ALG12: variants seen among roughly 807,000 people sequenced by gnomAD.
ALG12 encodes the protein ALG12 alpha-1,6-mannosyltransferase.
ALG12 carries 36 observed loss-of-function variants against 46.0 expected under a neutral mutation model. The ratio of observed to expected loss-of-function variants is 0.78; its 90% confidence interval spans 0.60 to 1.03. The LOEUF is 1.03. ALG12 is among the 50% of genes least tolerant of loss of function. The probability of loss-of-function intolerance (pLI) is 0.00; values close to 1 mark genes in which losing one functional copy is unlikely to be tolerated. For synonymous variants in ALG12, 326 were observed against 291.6 expected (o/e 1.12, Z -1.20); for missense variants, 599 against 633.5 (o/e 0.95, Z 0.58).
In ALG12 at chr22:49,909,656, T is replaced by G. The variant is rs1421901623; in HGVS notation, c.664+238A>C. 2.0e-5 allele frequency among the ~76,000 whole-genome samples: 3 copies of G among 152,140 alleles called. No individual in the cohort carries two copies. In the East Asian group the frequency reaches 5.8e-4, roughly 29 times the overall value. On this transcript the variant is annotated intron_variant, in intron 5 of 9. Coordinates refer to ENST00000330817, the MANE Select transcript of ALG12 (RefSeq NM_024105.4). Reference sequence around the variant, plus strand: ...GCAGGGACAAGCCGCCCTCCACTCTTGTGGCCTCCCCCAGCCCAAGGACAA... The same window carrying G: ...GCAGGGACAAGCCGCCCTCCACTCTGGTGGCCTCCCCCAGCCCAAGGACAA...
rs370008570 is a variant in ALG12, at chr22:49,914,884, C to A, written c.-78-1041G>T. Reference sequence around the variant, plus strand: ...CCGCAGCTACAGGTGTGGGTCACCACACTCAGCTAAGTTTTCTTATTTTTT... The same window carrying A: ...CCGCAGCTACAGGTGTGGGTCACCAAACTCAGCTAAGTTTTCTTATTTTTT... On this transcript the variant is annotated intron_variant, in intron 1 of 9. Coordinates refer to ENST00000330817, the MANE Select transcript of ALG12 (RefSeq NM_024105.4). 1.6e-4 allele frequency among the ~76,000 whole-genome samples: 24 copies of A among 152,346 alleles called. No homozygotes were observed. The East Asian group carries it at 4.2e-3, about 27-fold the overall frequency.
intron 4 of ALG12, 125 bp downstream of exon 4, chr22:49,910,309 C>T (rs1210531145): frequency 2.9e-6 from 4 of 1,376,186 alleles, no homozygotes; most frequent in East Asian, 2.5e-5. Flanking sequence ...GGTCACAGAC[C>T]ATCCTGAGGA....
the ALG12 span, among the ~76,000 whole-genome samples, chr22:49,877,048 A>G: frequency 3.3e-5 from 5 of 152,300 alleles, no homozygotes; most frequent in East Asian, 9.6e-4. Context: ...CACATTGAAA[A>G]TCAGTCAGAT....
At chr22:49,883,342 CA>C in the ALG12 span, 4 of 211,114 alleles carry the variant, frequency 1.9e-5, no homozygotes, top group African/African-American at 9.1e-5. Context: ...AGGTAATGCA[CA>C]AGGGTCACGT....
Position 49,906,868 on chromosome 22 carries a change from C to T in ALG12, c.992+853G>A, listed in dbSNP as rs2060544956. Among the ~76,000 whole-genome samples, 2 of 152,138 alleles carry T rather than the reference C, an allele frequency of 1.3e-5. No homozygotes were observed. The highest frequency in any genetic ancestry group is 2.9e-5 in the Non-Finnish European group (2 of 68,004). On this transcript the variant is annotated intron_variant, in intron 7 of 9. Transcript: ENST00000330817. This position sits in a 1 kb window ranked among gnomAD's most constrained non-coding sequence, Gnocchi z 4.4. ...GAGCCCCGGGTCCTTCCCCAGCACC[C>T]ACAGGGCCCGGCAGTGATGGACTCT... is the stretch of plus-strand genomic sequence containing the variant.
At chr22:49,883,233 TAC>T in the ALG12 span, 1 of 153,638 alleles carries the variant, frequency 6.5e-6, no homozygotes, top group African/African-American at 2.4e-5. Context: ...TTTTCCATTA[TAC>T]AGTTTTTTTC....
chr22:49,884,461 G>A, the ALG12 span: 1 of 1,614,222 alleles, frequency 6.2e-7, no homozygotes, highest in Non-Finnish European at 8.5e-7. Flanking sequence ...CGATGAACCT[G>A]CAGAGAACTT....
rs1311091009 is a variant in ALG12, at chr22:49,904,640, AAC to A, written c.993-136_993-135del. 26 of 1,026,076 alleles carry A rather than the reference AAC, an allele frequency of 2.5e-5. No individual in the cohort carries two copies. In the East Asian group the frequency reaches 5.5e-4, roughly 22 times the overall value. 63.6% of individuals were successfully genotyped at this position (1,026,076 alleles called of 1,614,324 possible). ...TAACAAAGAGTTCACCACCAAATAA[AAC>A]AGAGTCAGTAACCCGTAAAAGTGGT... On this transcript the variant is annotated intron_variant, in intron 7 of 9. Coordinates refer to ENST00000330817, the MANE Select transcript of ALG12 (RefSeq NM_024105.4).
intron 4 of ALG12, 54 bp from the exon 5 acceptor site, chr22:49,910,142 G>C: frequency 6.5e-7 from 1 of 1,532,188 alleles, no homozygotes; most frequent in Non-Finnish European, 8.8e-7. Context: ...ACCCGGCCCA[G>C]AAAACACCCG....
intron 1 of ALG12, among the ~76,000 whole-genome samples, chr22:49,914,881 C>T (rs550163871): frequency 6.6e-6 from 1 of 152,326 alleles, no homozygotes; most frequent in African/African-American, 2.4e-5. Context: ...GTGTGGGTCA[C>T]CACACTCAGC....
chr22:49,886,665 G>T, the ALG12 span: 2 of 1,609,622 alleles, frequency 1.2e-6, no homozygotes, highest in South Asian at 1.1e-5. This position sits in a 1 kb window ranked among gnomAD's most constrained non-coding sequence, Gnocchi z 7.7. Context: ...ACGACCCGCG[G>T]TACGTCTTCG....
chr22:49,859,468 AATGC>A, the ALG12 span, among the ~76,000 whole-genome samples: 1 of 152,052 alleles, frequency 6.6e-6, no homozygotes, highest in Non-Finnish European at 1.5e-5. Context: ...TGGTCCTGGG[AATGC>A]ATCCTTTCTG....
chr22:49,864,618 A>ACAGTGAGCTGAGATTGTGTACTGCACT, the ALG12 span, among the ~76,000 whole-genome samples: 35 of 151,936 alleles, frequency 2.3e-4, no homozygotes, highest in Admixed American at 4.6e-4. Context: ...GGAGTTTGAG[A>ACAGTGAGCTGAGATTGTGTACTGCACT]CCAGCCTCAG....
chr22:49,917,256 C>G (rs564430455), intron 1 of ALG12, among the ~76,000 whole-genome samples: 1 of 152,236 alleles, frequency 6.6e-6, no homozygotes, highest in Non-Finnish European at 1.5e-5. Context: ...CAGGTTAAAA[C>G]GGGCCCAGGC....
Position 49,902,232 on chromosome 22 carries a change from TGTGTGCAC to T in ALG12, c.*1598_*1605del, listed in dbSNP as rs1180294146. On this transcript the variant is annotated 3_prime_UTR_variant, in exon 10 of 10. Transcript: ENST00000330817. ...TGCACTGTGTGGTGTGTATGCATGGTGTGTGCACGTGTGCACTGTGTATGCATGGTGTG... is the reference window on the plus strand; with the variant it reads ...TGCACTGTGTGGTGTGTATGCATGGTGTGTGCACTGTGTATGCATGGTGTG... The T allele has an allele frequency of 2.3e-5, 3 of 129,492 alleles. No individual in the cohort carries two copies. Among genetic ancestry groups the T allele is most frequent in the East Asian group, 2.2e-4 (1 of 4,530 alleles). The allele number at this position is 129,492 out of a possible 1,614,324, so 8.0% of individuals were successfully genotyped here. A position where few individuals can be genotyped will look rare whatever the true frequency, so the allele number is the denominator to read the frequency against.
At chr22:49,896,987 C>A (rs898741092), downstream of ALG12, among the ~76,000 whole-genome samples, 9 of 151,662 alleles carry the variant, frequency 5.9e-5, no homozygotes, top group Non-Finnish European at 1.3e-4. Context: ...AAAAAAAAAA[C>A]AATTCCTCAA....
chr22:49,913,541 T>C, intron 2 of ALG12, 24 bp from the exon 3 acceptor site: 1 of 1,613,938 alleles, frequency 6.2e-7, no homozygotes, highest in Non-Finnish European at 8.5e-7. Flanking sequence ...GGCAGGTCAG[T>C]GCACCGGGGC....
At position 49,909,364 on chromosome 22, in the gene ALG12, G is replaced by C; in HGVS notation, c.665-17C>G. On this transcript the variant is annotated splice_polypyrimidine_tract_variant and intron_variant, in intron 5 of 9. Coordinates refer to ENST00000330817, the MANE Select transcript of ALG12 (RefSeq NM_024105.4). ...CCGTCAGTCCTGACAAAATAAAATAGAGTTTCTTAGTCGCAAACACAGCCA... is the reference window on the plus strand; with the variant it reads ...CCGTCAGTCCTGACAAAATAAAATACAGTTTCTTAGTCGCAAACACAGCCA... 1 of 1,613,354 alleles carries C rather than the reference G, an allele frequency of 6.2e-7. No individual in the cohort carries two copies. The highest frequency in any genetic ancestry group is 8.5e-7 in the Non-Finnish European group (1 of 1,179,362).
At chr22:49,883,526 A>T in the ALG12 span, 2 of 1,198,540 alleles carry the variant, frequency 1.7e-6, no homozygotes, top group Non-Finnish European at 2.3e-6. Context: ...ATTTATGATT[A>T]GCCATATTTC....
Sources: allele counts gnomAD v4.1 joint callset (sites outside exome capture counted in the v4.1 genomes callset), GRCh38; gene constraint gnomAD v4.1.1; non-coding constraint Gnocchi (gnomAD v3.1); transcripts MANE v1.5; gene names NCBI Gene and HGNC (gene_info 2026-07-23, HGNC 2026-07-21).